The following STAM2 variants were observed in gnomAD, a reference collection of about 807,000 sequenced individuals.
STAM2 encodes the protein signal transducing adaptor molecule 2, also known as signal transducing adapter molecule 2.
In STAM2, 51 loss-of-function variants were observed where a neutral mutation model predicts 65.6. The ratio of observed to expected loss-of-function variants is 0.78; its 90% CI spans 0.62 to 0.98. The LOEUF (loss-of-function observed/expected upper bound fraction) is 0.98, where lower values mean the gene tolerates loss of function less well. STAM2 is among the 50% of genes least tolerant of loss of function. STAM2 has a pLI of 0.00. For missense variants in STAM2, 584 were observed against 617.8 expected, an observed-to-expected ratio of 0.95 and a Z score of 0.58; for synonymous variants, 198 against 208.4, an observed-to-expected ratio of 0.95 and a Z score of 0.43.
chr2:152,125,815 G>C (rs1688954113), intron 12 of STAM2, among the ~76,000 whole-genome samples: 2 of 152,178 alleles, frequency 1.3e-5, no homozygotes, highest in African/African-American at 2.4e-5. Flanking sequence ...AAATCTTGTT[G>C]AGCAGCAGGA....
intron 1 of STAM2, among the ~76,000 whole-genome samples, chr2:152,159,110 T>TATATATATATATATATATATATATATAC (rs575009275): frequency 2.8e-4 from 36 of 129,186 alleles, no homozygotes; most frequent in South Asian, 1.6e-3. Context: ...TATATATATA[T>TATATATATATATATATATATATATATAC]ACACACACAG....
chr2:152,154,957 A>T (rs1261716551), intron 1 of STAM2, among the ~76,000 whole-genome samples: 1 of 150,618 alleles, frequency 6.6e-6, no homozygotes, highest in African/African-American at 2.5e-5. Context: ...GGTATCTTTC[A>T]TATTGGTGAC....
chr2:152,122,919 T>A (rs1246601087), intron 13 of STAM2, among the ~76,000 whole-genome samples: 1 of 151,532 alleles, frequency 6.6e-6, no homozygotes, highest in African/African-American at 2.4e-5. Flanking sequence ...ATACAAAAAT[T>A]AGCAGAACAT....
intron 13 of STAM2, among the ~76,000 whole-genome samples, chr2:152,122,098 G>T (rs1688866721): frequency 6.6e-6 from 1 of 151,012 alleles, no homozygotes. Context: ...GTGTGTGTGT[G>T]TGTGTGTATA....
chr2:152,151,736 C>T (rs529760757), intron 1 of STAM2, among the ~76,000 whole-genome samples: 7 of 152,274 alleles, frequency 4.6e-5, no homozygotes, highest in South Asian at 2.1e-4. Context: ...TTACCTATTC[C>T]GGATTTTTCA....
At chr2:152,159,233 G>A (rs1006772444) in intron 1 of STAM2, among the ~76,000 whole-genome samples, 1 of 150,846 alleles carries the variant, frequency 6.6e-6, no homozygotes, top group Non-Finnish European at 1.5e-5. Context: ...TTGTGCCCAG[G>A]AGTTTAAAGC....
Position 152,143,812 on chromosome 2 carries a change from A to T in STAM2, c.704+15T>A. 1 of 1,594,184 alleles carries T rather than the reference A, an allele frequency of 6.3e-7. No individual in the cohort carries two copies. The highest frequency in any genetic ancestry group is 8.6e-7 in the Non-Finnish European group (1 of 1,169,328). ...CATTACACTTTAAACCTTCCCATAA[A>T]GATTTAAAACTTACCTGTCATCCAA... On this transcript the variant is annotated intron_variant, in intron 7 of 13. Transcript: ENST00000263904.
intron 1 of STAM2, among the ~76,000 whole-genome samples, chr2:152,166,877 TA>T (rs2105567940): frequency 6.6e-6 from 1 of 152,280 alleles, no homozygotes; most frequent in Non-Finnish European, 1.5e-5. Flanking sequence ...AAATGAGAAG[TA>T]AAATTCTGAG....
chr2:152,165,500 A>G (rs1246088712), intron 1 of STAM2, among the ~76,000 whole-genome samples: 1 of 152,130 alleles, frequency 6.6e-6, no homozygotes, highest in African/African-American at 2.4e-5. Flanking sequence ...AAAAGCAAAC[A>G]GGCCAGGCAG....
intron 11 of STAM2, among the ~76,000 whole-genome samples, chr2:152,128,235 G>A (rs896130816): frequency 2.0e-5 from 3 of 151,982 alleles, no homozygotes; most frequent in Non-Finnish European, 4.4e-5. Flanking sequence ...GTGAAACCCC[G>A]TCTCTACTAA....
chr2:152,172,287 A>G (rs1689910118), intron 1 of STAM2, among the ~76,000 whole-genome samples: 1 of 152,114 alleles, frequency 6.6e-6, no homozygotes, highest in Non-Finnish European at 1.5e-5. Flanking sequence ...AAAAGACAGG[A>G]ATTTGCCAGA....
In STAM2 at chr2:152,126,135, A is replaced by C. The variant is rs1688960457; in HGVS notation, c.1179+91T>G. Reference sequence around the variant, plus strand: ...AATTTTATAATTTTATTCACAGACAAAAGAAATCTTAATACTATGCTATAA... The same window carrying C: ...AATTTTATAATTTTATTCACAGACACAAGAAATCTTAATACTATGCTATAA... On this transcript the variant is annotated intron_variant, in intron 12 of 13. Coordinates refer to ENST00000263904, the MANE Select transcript of STAM2 (RefSeq NM_005843.6). 3 of 1,078,552 alleles carry C rather than the reference A, an allele frequency of 2.8e-6. No individual in the cohort carries two copies. The South Asian group carries it at 8.6e-5, about 31-fold the overall frequency. The allele number at this position is 1,078,552 out of a possible 1,614,324, so 66.8% of individuals were successfully genotyped here. A position where few individuals can be genotyped will look rare whatever the true frequency, so the allele number is the denominator to read the frequency against.
intron 1 of STAM2, among the ~76,000 whole-genome samples, chr2:152,165,210 G>C (rs1325204613): frequency 1.3e-5 from 2 of 152,006 alleles, no homozygotes; most frequent in Non-Finnish European, 2.9e-5. Flanking sequence ...CAGATCATGA[G>C]GTCAGGAGAT....
chr2:152,170,766 C>T (rs757385678), intron 1 of STAM2, among the ~76,000 whole-genome samples: 2 of 152,214 alleles, frequency 1.3e-5, no homozygotes, highest in Non-Finnish European at 2.9e-5. Context: ...GAGGCCAAGG[C>T]AGGCAGATCA....
At chr2:152,142,725 T>C (rs1298264873) in intron 7 of STAM2, among the ~76,000 whole-genome samples, 2 of 152,210 alleles carry the variant, frequency 1.3e-5, no homozygotes, top group African/African-American at 4.8e-5. Context: ...CATCTGTATT[T>C]CTATCTATTC....
intron 11 of STAM2, among the ~76,000 whole-genome samples, chr2:152,130,217 C>T: frequency 6.6e-6 from 1 of 152,088 alleles, no homozygotes; most frequent in Non-Finnish European, 1.5e-5. Flanking sequence ...CCCTGAAAGT[C>T]TACCCCCTTC....
rs779533787 is a variant in STAM2, at chr2:152,120,528, G to GAAT, written c.*43_*45dup. ...TTTTCAGGTTGGTATCACAAGGACT[G>GAAT]AATAATACACTTATGAAGGCTTTCA... On this transcript the variant is annotated 3_prime_UTR_variant, in exon 14 of 14. Coordinates refer to ENST00000263904, the MANE Select transcript of STAM2 (RefSeq NM_005843.6). The GAAT allele has an allele frequency of 6.5e-7, 1 of 1,548,938 alleles. No homozygotes were observed. The highest frequency in any genetic ancestry group is 1.7e-5 in the Admixed American group (1 of 57,902).
chr2:152,133,519 T>C (rs1689102873), intron 8 of STAM2, 35 bp from the exon 9 acceptor site: 1 of 1,518,938 alleles, frequency 6.6e-7, no homozygotes, highest in South Asian at 1.1e-5. Flanking sequence ...TTCCTCAGCA[T>C]TTACTTCAGT....
intron 1 of STAM2, among the ~76,000 whole-genome samples, chr2:152,175,273 G>A (rs1472188181): frequency 6.6e-6 from 1 of 152,178 alleles, no homozygotes; most frequent in African/African-American, 2.4e-5. Context: ...TGTCGAACGA[G>A]CAGGAAGTTT....
Sources: gnomAD v4.1 joint callset for allele counts (sites outside exome capture counted in the v4.1 genomes callset) on GRCh38, gnomAD v4.1.1 for gene constraint, MANE v1.5 for transcripts, NCBI Gene and HGNC (gene_info 2026-07-23, HGNC 2026-07-21) for gene names.